Variants in FAM81A observed in about 807,000 individuals in gnomAD.
FAM81A encodes the protein protein FAM81A.
A neutral mutation model predicts 46.7 loss-of-function variants in FAM81A; 19 were observed. That is an observed-to-expected ratio of 0.41 (90% CI 0.28 to 0.60). The LOEUF is 0.60. Among genes scored for constraint, FAM81A ranks in the 20% least tolerant of loss-of-function variants. The probability of loss-of-function intolerance (pLI) is 0.34; values close to 1 mark genes in which losing one functional copy is unlikely to be tolerated. For missense variants in FAM81A, 377 were observed against 453.5 expected, an observed-to-expected ratio of 0.83 and a Z score of 1.53; for synonymous variants, 183 against 152.9, an observed-to-expected ratio of 1.20 and a Z score of -1.45.
At position 59,438,919 on chromosome 15, in the gene FAM81A, T is replaced by A. The variant is rs1221482474; in HGVS notation, c.-78+637T>A. Reference sequence around the variant, plus strand: ...AGAATGGCTTCTTAAGATGCACAGGTTAAAACCTCTTTGGTGCCCTAAAGA... The same window carrying A: ...AGAATGGCTTCTTAAGATGCACAGGATAAAACCTCTTTGGTGCCCTAAAGA... On this transcript the variant is annotated intron_variant, in intron 1 of 8. Coordinates refer to ENST00000288228, the MANE Select transcript of FAM81A (RefSeq NM_152450.3). 2.0e-5 allele frequency: 3 copies of A among 152,196 alleles called. No individual in the cohort carries two copies. The East Asian group carries it at 5.8e-4, about 29-fold the overall frequency. 9.4% of individuals were successfully genotyped at this position (152,196 alleles called of 1,614,324 possible). A position where few individuals can be genotyped will look rare whatever the true frequency, so the allele number is the denominator to read the frequency against.
rs1369259054 is a variant in FAM81A, at chr15:59,501,451, T to C, written c.414-5762T>C. ...ACTATAATTAAATAACTGCCAGCTA[T>C]AAAGGGCTTAATGATACATATATAT... On this transcript the variant is annotated intron_variant, in intron 4 of 8. Transcript: ENST00000288228. 7.2e-5 allele frequency among the ~76,000 whole-genome samples: 11 copies of C among 152,216 alleles called. No individual in the cohort carries two copies. In the East Asian group the frequency reaches 2.1e-3, roughly 29 times the overall value.
intron 1 of FAM81A, among the ~76,000 whole-genome samples, chr15:59,454,118 C>A (rs1178923468): frequency 6.6e-6 from 1 of 152,230 alleles, no homozygotes; most frequent in East Asian, 1.9e-4. Flanking sequence ...TTCCACTGTT[C>A]CTGCCCTCTA....
At chr15:59,495,131 A>T (rs1567069433) in intron 4 of FAM81A, among the ~76,000 whole-genome samples, 1 of 152,124 alleles carries the variant, frequency 6.6e-6, no homozygotes, top group Non-Finnish European at 1.5e-5. Flanking sequence ...ACCACAATCG[A>T]TTTCAGAACG....
chr15:59,497,356 T>C (rs1346881846), intron 4 of FAM81A, among the ~76,000 whole-genome samples: 3 of 147,510 alleles, frequency 2.0e-5, no homozygotes, highest in African/African-American at 7.5e-5. Flanking sequence ...TGAGGCAGGA[T>C]AATCGCTTGA....
At chr15:59,415,893 T>C (rs375373814) in intron 2 of FAM81A, among the ~76,000 whole-genome samples, 8 of 152,302 alleles carry the variant, frequency 5.3e-5, no homozygotes, top group African/African-American at 1.7e-4. Flanking sequence ...TAAGCAGAAA[T>C]GAACTGATTA....
chr15:59,462,063 C>T (rs192905642), intron 3 of FAM81A, among the ~76,000 whole-genome samples: 136 of 151,992 alleles, frequency 8.9e-4, no homozygotes, highest in Non-Finnish European at 1.5e-3. Context: ...ATTAGCTGGG[C>T]GAGGTAGCGG....
At chr15:59,492,522 G>T in intron 4 of FAM81A, 133 bp downstream of exon 4, 1 of 698,708 alleles carries the variant, frequency 1.4e-6, no homozygotes, top group Non-Finnish European at 2.3e-6. Flanking sequence ...TCCCTGCTTT[G>T]GCCATAAAAT....
At chr15:59,516,582 A>G (rs1596550247) in intron 7 of FAM81A, 63 bp from the exon 8 acceptor site, 1 of 1,501,444 alleles carries the variant, frequency 6.7e-7, no homozygotes, top group African/African-American at 1.4e-5. Context: ...ATTATGGCTG[A>G]TGTGAATGCA....
In FAM81A at chr15:59,522,335, A is replaced by G. The variant is rs970310045; in HGVS notation, c.*957A>G. ...TGTACTCTGTAAAAGTTTTGCAGAC[A>G]AAATAGAAAGTATGATAATCCGTCA... On this transcript the variant is annotated 3_prime_UTR_variant, in exon 9 of 9. Transcript: ENST00000288228. The G allele has an allele frequency of 2.6e-5, 4 of 152,696 alleles. No individual in the cohort carries two copies. The highest frequency in any genetic ancestry group is 4.4e-5 in the Non-Finnish European group (3 of 68,042). The allele number at this position is 152,696 out of a possible 1,614,324, so 9.5% of individuals were successfully genotyped here.
chr15:59,471,252 C>A (rs1426101565), intron 3 of FAM81A, among the ~76,000 whole-genome samples: 1 of 152,086 alleles, frequency 6.6e-6, no homozygotes, highest in East Asian at 1.9e-4. Flanking sequence ...TTGTCTGTTT[C>A]TTCTTCCAGT....
intron 1 of FAM81A, among the ~76,000 whole-genome samples, chr15:59,455,383 C>G (rs1380850625): frequency 6.6e-6 from 1 of 152,162 alleles, no homozygotes; most frequent in African/African-American, 2.4e-5. Flanking sequence ...AGGTTGTAGA[C>G]AGACCTGTGG....
At chr15:59,436,169 T>C (rs1315265256), upstream of FAM81A, among the ~76,000 whole-genome samples, 1 of 152,230 alleles carries the variant, frequency 6.6e-6, no homozygotes, top group Non-Finnish European at 1.5e-5. Flanking sequence ...AGAAGGTGCC[T>C]ACATATGGCA....
chr15:59,513,661 A>G (rs1387527249), intron 6 of FAM81A, among the ~76,000 whole-genome samples: 2 of 152,206 alleles, frequency 1.3e-5, no homozygotes, highest in African/African-American at 2.4e-5. Flanking sequence ...TTGATATTGT[A>G]TGATGTCATT....
intron 1 of FAM81A, among the ~76,000 whole-genome samples, chr15:59,399,188 A>AAACAAT (rs2081060080): frequency 3.9e-5 from 6 of 152,136 alleles, no homozygotes; most frequent in Admixed American, 2.0e-4. Flanking sequence ...ACAAAAACAA[A>AAACAAT]AAAGAAGAAC....
At position 59,514,442 on chromosome 15, in the gene FAM81A, G is replaced by A. The variant is rs997152359; in HGVS notation, c.786+18G>A. ...AAAACAGTGTAGGTATTGATGTTTA[G>A]CAAAAATTTAGTAAAGTTATTCAGT... On this transcript the variant is annotated intron_variant, in intron 7 of 8. Transcript: ENST00000288228. The A allele has an allele frequency of 3.1e-6, 5 of 1,605,676 alleles. No individual in the cohort carries two copies. The highest frequency in any genetic ancestry group is 1.3e-5 in the African/African-American group (1 of 74,252).
At chr15:59,401,071 A>AT (rs375526761) in intron 1 of FAM81A, 30 of 526,866 alleles carry the variant, frequency 5.7e-5, no homozygotes, top group Non-Finnish European at 7.3e-5. Context: ...ATGATTTTGT[A>AT]TTTTTTTTCC....
chr15:59,517,536 A>AGAC (rs2082280478), intron 8 of FAM81A, among the ~76,000 whole-genome samples: 1 of 152,228 alleles, frequency 6.6e-6, no homozygotes, highest in South Asian at 2.1e-4. Flanking sequence ...GTCAGGAAGA[A>AGAC]GACGTTCCTG....
chr15:59,403,441 G>A (rs1251992237), intron 2 of FAM81A, among the ~76,000 whole-genome samples: 1 of 152,216 alleles, frequency 6.6e-6, no homozygotes, highest in Non-Finnish European at 1.5e-5. Flanking sequence ...TGAGAAGGTG[G>A]CTGTCTGCAA....
At chr15:59,450,560 T>C (rs1188554186) in intron 1 of FAM81A, among the ~76,000 whole-genome samples, 1 of 152,222 alleles carries the variant, frequency 6.6e-6, no homozygotes, top group African/African-American at 2.4e-5. Flanking sequence ...TGTCAATACT[T>C]GATCTTTTCA....
Sources: allele counts gnomAD v4.1 joint callset (sites outside exome capture counted in the v4.1 genomes callset), GRCh38; gene constraint gnomAD v4.1.1; transcripts MANE v1.5; gene names NCBI Gene and HGNC (gene_info 2026-07-23, HGNC 2026-07-21).